The following RSPO3 variants were observed in gnomAD, a reference collection of about 807,000 sequenced individuals.
RSPO3 encodes the protein R-spondin-3.
In RSPO3, 17 loss-of-function variants were observed where a neutral mutation model predicts 36.5. The observed-to-expected ratio is 0.47, with a 90% CI of 0.32 to 0.70. The LOEUF (loss-of-function observed/expected upper bound fraction) is 0.70, where lower values mean the gene tolerates loss of function less well. RSPO3 is among the 30% of genes least tolerant of loss of function. RSPO3 has a pLI of 0.04. For missense variants in RSPO3, 294 were observed against 322.5 expected (o/e 0.91, Z 0.68); for synonymous variants, 108 against 107.0 (o/e 1.01, Z -0.06).
chr6:127,152,346 T>C (rs775383961), intron 3 of RSPO3, among the ~76,000 whole-genome samples: 1 of 152,114 alleles, frequency 6.6e-6, no homozygotes, highest in Non-Finnish European at 1.5e-5. Flanking sequence ...ATGTCTCCCA[T>C]CATATGGCGC....
chr6:127,186,933 T>C (rs1371355301), intron 4 of RSPO3, among the ~76,000 whole-genome samples: 1 of 152,166 alleles, frequency 6.6e-6, no homozygotes, highest in East Asian at 1.9e-4. Context: ...TCTGGCAATG[T>C]GTGTATAACA....
At chr6:127,182,064 AAGAGAGAGTGTGTGAGAGAATGGAG>A (rs903559498) in intron 4 of RSPO3, among the ~76,000 whole-genome samples, 3 of 151,836 alleles carry the variant, frequency 2.0e-5, no homozygotes, top group African/African-American at 7.3e-5. Context: ...TAGAGAAGAA[AAGAGAGAGTGTGTGAGAGAATGGAG>A]AGAGAGAGAA....
chr6:127,119,897 G>C (rs1200680991), intron 1 of RSPO3: 3 of 152,374 alleles, frequency 2.0e-5, no homozygotes, highest in African/African-American at 7.2e-5. Context: ...GTGTCTGCGC[G>C]TTTGCAGAGC....
At chr6:127,179,421 T>C (rs1775135236) in intron 4 of RSPO3, among the ~76,000 whole-genome samples, 1 of 151,868 alleles carries the variant, frequency 6.6e-6, no homozygotes, top group Admixed American at 6.6e-5. Context: ...AAAAGGAAAT[T>C]AAGGCTCTTA....
chr6:127,199,359 C>G lies in RSPO3; in HGVS notation c.*3352C>G, dbSNP rs1461291214. Among the ~76,000 whole-genome samples the G allele has an allele frequency of 2.0e-5, 3 of 151,840 alleles. No individual in the cohort carries two copies. The highest frequency in any genetic ancestry group is 7.3e-5 in the African/African-American group (3 of 41,214). On this transcript the variant is annotated 3_prime_UTR_variant, in exon 5 of 5. Coordinates refer to ENST00000356698, the MANE Select transcript of RSPO3 (RefSeq NM_032784.5). Reference sequence around the variant, plus strand: ...CAAGTCAAACATATAAATTTTATTTCTTGATTCATGATATGTGATAGTATT... The same window carrying G: ...CAAGTCAAACATATAAATTTTATTTGTTGATTCATGATATGTGATAGTATT...
At chr6:127,126,244 G>T (rs1773937071) in intron 1 of RSPO3, among the ~76,000 whole-genome samples, 1 of 151,964 alleles carries the variant, frequency 6.6e-6, no homozygotes, top group Non-Finnish European at 1.5e-5. Context: ...AGAGTATTAG[G>T]GCTGAACACA....
chr6:127,193,700 AT>A (rs1775459096), intron 4 of RSPO3, among the ~76,000 whole-genome samples: 1 of 152,172 alleles, frequency 6.6e-6, no homozygotes, highest in African/African-American at 2.4e-5. Context: ...TATGCTACAT[AT>A]TCAGAAAGGG....
At position 127,165,222 on chromosome 6, in the gene RSPO3, G is replaced by T. The variant is rs150382153; in HGVS notation, c.634+9784G>T. 1.9e-3 allele frequency among the ~76,000 whole-genome samples: 296 copies of T among 152,066 alleles called. 6 individuals are homozygous for T. The East Asian group carries it at 0.054, about 28-fold the overall frequency. On this transcript the variant is annotated intron_variant, in intron 4 of 4. Coordinates refer to ENST00000356698, the MANE Select transcript of RSPO3 (RefSeq NM_032784.5). ...TAATATCTAATTAATTATAACTCAT[G>T]AACAAAAATTATTGTCTTCACAGAA...
intron 4 of RSPO3, among the ~76,000 whole-genome samples, chr6:127,160,978 T>A (rs1449847715): frequency 1.3e-5 from 2 of 152,164 alleles, no homozygotes; most frequent in Non-Finnish European, 2.9e-5. Context: ...GCTATATTAC[T>A]CAACCCTTAT....
chr6:127,184,675 T>C (rs1402403765), intron 4 of RSPO3, among the ~76,000 whole-genome samples: 6 of 152,014 alleles, frequency 3.9e-5, no homozygotes, highest in Admixed American at 6.6e-5. Context: ...GTACAAGTCT[T>C]AATATGCTAC....
chr6:127,119,543 T>A (rs1356913906), intron 1 of RSPO3, among the ~76,000 whole-genome samples: 3 of 152,204 alleles, frequency 2.0e-5, no homozygotes, highest in Non-Finnish European at 4.4e-5. Flanking sequence ...CGCCCCATGG[T>A]AACTTCAGGT....
intron 2 of RSPO3, among the ~76,000 whole-genome samples, chr6:127,149,464 G>A (rs1774447629): frequency 1.3e-5 from 2 of 151,996 alleles, no homozygotes; most frequent in African/African-American, 2.4e-5. Context: ...TTGCAATTGT[G>A]TTCTACACTG....
intron 1 of RSPO3, among the ~76,000 whole-genome samples, chr6:127,121,833 CG>C (rs1241204424): frequency 1.2e-4 from 18 of 152,100 alleles, no homozygotes; most frequent in African/African-American, 3.9e-4. Context: ...TGTGGTCAAA[CG>C]TGTTTTCAAA....
chr6:127,180,157 TA>T (rs1775151411), intron 4 of RSPO3, among the ~76,000 whole-genome samples: 1 of 151,860 alleles, frequency 6.6e-6, no homozygotes, highest in Admixed American at 6.6e-5. Context: ...AAAGGCCAAG[TA>T]GAATTTTCCA....
intron 4 of RSPO3, among the ~76,000 whole-genome samples, chr6:127,166,105 TTTTC>T (rs1774816139): frequency 1.3e-5 from 2 of 152,104 alleles, no homozygotes; most frequent in South Asian, 2.1e-4. Context: ...AGCATTTGAC[TTTTC>T]TTTCTGTGTC....
chr6:127,131,796 C>A (rs1457359150), intron 1 of RSPO3, among the ~76,000 whole-genome samples: 1 of 152,236 alleles, frequency 6.6e-6, no homozygotes, highest in South Asian at 2.1e-4. Context: ...GTATCAAGCA[C>A]CTTGAGAACC....
chr6:127,159,332 C>T (rs1395326311), intron 4 of RSPO3, among the ~76,000 whole-genome samples: 1 of 151,944 alleles, frequency 6.6e-6, no homozygotes, highest in Non-Finnish European at 1.5e-5. Context: ...TCTTATTAAT[C>T]ACAGATAGTG....
chr6:127,138,855 A>G (rs896977156), intron 1 of RSPO3, among the ~76,000 whole-genome samples: 1 of 152,244 alleles, frequency 6.6e-6, no homozygotes, highest in African/African-American at 2.4e-5. Context: ...TAAAAAATAA[A>G]TATTGGTAAC....
In RSPO3 at chr6:127,141,384, A is replaced by G. The variant is rs138397242; in HGVS notation, c.98-7264A>G. 4.6e-3 allele frequency among the ~76,000 whole-genome samples: 704 copies of G among 152,240 alleles called. 9 individuals are homozygous for G. Among genetic ancestry groups the G allele is most frequent in the African/African-American group, 0.016 (670 of 41,544 alleles). ...ATCATTTGCTAGCCATTTTCTTAAT[A>G]TTTTGGGCTGACTTGATTTTAGTGG... On this transcript the variant is annotated intron_variant, in intron 1 of 4. Transcript: ENST00000356698.
Sources: allele counts gnomAD v4.1 joint callset (sites outside exome capture counted in the v4.1 genomes callset), GRCh38; gene constraint gnomAD v4.1.1; transcripts MANE v1.5; gene names NCBI Gene and HGNC (gene_info 2026-07-23, HGNC 2026-07-21).